MYMX: variants seen among roughly 807,000 people sequenced by gnomAD.
The protein encoded by MYMX is protein myomixer.
At chr6:44,199,746 T>C in the MYMX span, among the ~76,000 whole-genome samples, 3 of 151,172 alleles carry the variant, frequency 2.0e-5, no homozygotes, top group African/African-American at 4.9e-5. Context: ...TCCAGTGGCA[T>C]GATCACTGTT....
the MYMX span, among the ~76,000 whole-genome samples, chr6:44,202,931 A>G: frequency 6.6e-6 from 1 of 152,168 alleles, no homozygotes; most frequent in South Asian, 2.1e-4. Context: ...TGTTTACAAG[A>G]GGCAGCGGTG....
the MYMX span, among the ~76,000 whole-genome samples, chr6:44,203,395 T>C: frequency 6.6e-6 from 1 of 152,210 alleles, no homozygotes; most frequent in Non-Finnish European, 1.5e-5. Flanking sequence ...ACGATAAGCC[T>C]GGGAAAAAGA....
upstream of MYMX, among the ~76,000 whole-genome samples, chr6:44,216,210 GA>G (rs1179319188): frequency 6.6e-6 from 1 of 152,224 alleles, no homozygotes; most frequent in Non-Finnish European, 1.5e-5. Flanking sequence ...GCAGTCTGCA[GA>G]CTCACTGCTT....
At chr6:44,197,547 CA>C in the MYMX span, among the ~76,000 whole-genome samples, 1 of 152,126 alleles carries the variant, frequency 6.6e-6, no homozygotes, top group Non-Finnish European at 1.5e-5. Context: ...AAACAAACAA[CA>C]AAAAAGCACC....
the MYMX span, among the ~76,000 whole-genome samples, chr6:44,194,606 G>C: frequency 6.6e-6 from 1 of 152,326 alleles, no homozygotes; most frequent in East Asian, 1.9e-4. Flanking sequence ...ACGGGGGCTG[G>C]AGAGGAAAGG....
the MYMX span, among the ~76,000 whole-genome samples, chr6:44,205,428 G>T: frequency 2.0e-5 from 3 of 152,178 alleles, no homozygotes; most frequent in African/African-American, 4.8e-5. Context: ...GGAGGCTGAG[G>T]ATGGTGGATC....
At chr6:44,208,927 T>A in the MYMX span, among the ~76,000 whole-genome samples, 2 of 152,180 alleles carry the variant, frequency 1.3e-5, no homozygotes, top group African/African-American at 4.8e-5. Context: ...TAATCCCTCT[T>A]CCCACTCAGT....
chr6:44,194,598 G>A, the MYMX span, among the ~76,000 whole-genome samples: 10 of 152,166 alleles, frequency 6.6e-5, no homozygotes, highest in Admixed American at 1.3e-4. Context: ...TCCTGCCTAC[G>A]GGGGCTGGAG....
At chr6:44,203,095 G>T in the MYMX span, among the ~76,000 whole-genome samples, 1 of 152,184 alleles carries the variant, frequency 6.6e-6, no homozygotes, top group African/African-American at 2.4e-5. Context: ...GGGCCTCCAC[G>T]GTTCCCCGTG....
chr6:44,199,359 C>G, the MYMX span, among the ~76,000 whole-genome samples: 2 of 151,258 alleles, frequency 1.3e-5, no homozygotes, highest in African/African-American at 4.9e-5. Context: ...ACTGTGCCCC[C>G]TAATTTTCTT....
the MYMX span, among the ~76,000 whole-genome samples, chr6:44,211,485 T>C: frequency 6.6e-6 from 1 of 152,180 alleles, no homozygotes; most frequent in Non-Finnish European, 1.5e-5. Context: ...AGGGAAGGCA[T>C]TGCTCAATGA....
At chr6:44,206,005 A>AAAC in the MYMX span, among the ~76,000 whole-genome samples, 1 of 149,636 alleles carries the variant, frequency 6.7e-6, no homozygotes, top group African/African-American at 2.5e-5. Flanking sequence ...AAACAAAAAA[A>AAAC]AACCTCATTT....
upstream of MYMX, among the ~76,000 whole-genome samples, chr6:44,213,905 G>A (rs1376550038): frequency 6.6e-6 from 1 of 152,134 alleles, no homozygotes; most frequent in Non-Finnish European, 1.5e-5. Context: ...TGAACTCCTG[G>A]GCTCAAGCAA....
chr6:44,211,313 GTATGCAAAA>G, the MYMX span, among the ~76,000 whole-genome samples: 2 of 152,186 alleles, frequency 1.3e-5, no homozygotes, highest in Non-Finnish European at 2.9e-5. Context: ...AAACAAGTTT[GTATGCAAAA>G]TATACAAGAA....
chr6:44,207,982 C>A, the MYMX span, among the ~76,000 whole-genome samples: 2 of 152,264 alleles, frequency 1.3e-5, no homozygotes, highest in South Asian at 2.1e-4. Context: ...AATCCCAGCA[C>A]TTTGGGAGGG....
upstream of MYMX, among the ~76,000 whole-genome samples, chr6:44,215,284 C>A (rs1775799509): frequency 6.6e-6 from 1 of 152,194 alleles, no homozygotes; most frequent in East Asian, 1.9e-4. Context: ...ATTTATAAAA[C>A]CAAATAGGTT....
chr6:44,212,613 AC>A (rs1224922443), upstream of MYMX, among the ~76,000 whole-genome samples: 3 of 151,834 alleles, frequency 2.0e-5, no homozygotes, highest in East Asian at 3.8e-4. Context: ...AAACAAAAAA[AC>A]CTGAATGGAT....
At chr6:44,207,875 A>T in the MYMX span, among the ~76,000 whole-genome samples, 3 of 152,176 alleles carry the variant, frequency 2.0e-5, no homozygotes, top group African/African-American at 7.2e-5. Flanking sequence ...CTGGGGCTTT[A>T]AATGAAAAAG....
the MYMX span, among the ~76,000 whole-genome samples, chr6:44,206,512 G>A: frequency 4.6e-5 from 7 of 152,164 alleles, no homozygotes; most frequent in Non-Finnish European, 8.8e-5. Context: ...GGCTACAGGC[G>A]TGAGCCACTG....
Sources: gnomAD v4.1 joint callset for allele counts (sites outside exome capture counted in the v4.1 genomes callset) on GRCh38, gnomAD v4.1.1 for gene constraint, MANE v1.5 for transcripts, NCBI Gene and HGNC (gene_info 2026-07-23, HGNC 2026-07-21) for gene names.